Variants in B3GLCT observed in about 807,000 individuals in gnomAD.
B3GLCT encodes beta-1,3-glucosyltransferase.
Under a neutral mutation model 63.4 loss-of-function variants are expected in B3GLCT, and 65 were observed. The observed-to-expected ratio is 1.03, with a 90% CI of 0.84 to 1.26. The LOEUF is 1.26. Among genes scored for constraint, B3GLCT ranks in the 50% most tolerant of loss-of-function variants. B3GLCT has a pLI of 0.00. For missense variants in B3GLCT, 577 were observed against 604.8 expected (o/e 0.95, Z 0.48); for synonymous variants, 233 against 219.2 (o/e 1.06, Z -0.55).
intron 7 of B3GLCT, among the ~76,000 whole-genome samples, chr13:31,263,284 G>A (rs762563311): frequency 6.6e-5 from 10 of 152,190 alleles, no homozygotes; most frequent in East Asian, 1.9e-4. Flanking sequence ...ATTCAATTCC[G>A]TTTTTGTTGA....
At chr13:31,247,147 C>T (rs773136617) in intron 5 of B3GLCT, 48 bp downstream of exon 5, 2 of 1,380,564 alleles carry the variant, frequency 1.4e-6, no homozygotes, top group Non-Finnish European at 2.1e-6. Flanking sequence ...CCTACCTGAA[C>T]ACTTTTACGC....
intron 3 of B3GLCT, 109 bp from the exon 4 acceptor site, chr13:31,229,076 A>C: frequency 2.8e-6 from 2 of 715,858 alleles, no homozygotes; most frequent in Non-Finnish European, 4.9e-6. Flanking sequence ...TCCCATTAAG[A>C]GTTTACTGCC....
intron 12 of B3GLCT, among the ~76,000 whole-genome samples, chr13:31,316,410 TATATATA>T (rs1382841922): frequency 6.6e-4 from 62 of 93,972 alleles, no homozygotes; most frequent in Non-Finnish European, 1.1e-3. Flanking sequence ...GGAGGTTTTA[TATATATA>T]TATATATATA....
chr13:31,261,045 G>T lies in B3GLCT; in HGVS notation c.559G>T (p.Ala187Ser). ...NPTVFKYPDF[A>S]AGWALSIPLV... ...TACAGTTTTTAAGTATCCAGACTTT[G>T]CTGCAGGCTGGGCCTTAAGTATTCC... The change falls in exon 7 of 15, where the codon GCT becomes TCT. Residue 187 changes from alanine to serine, a missense_variant. Physicochemically the swap from Ala to Ser is moderately conservative, Grantham distance 99. Transcript: ENST00000343307. The T allele has an allele frequency of 1.6e-5, 26 of 1,613,854 alleles. No individual in the cohort carries two copies. Among genetic ancestry groups the T allele is most frequent in the Non-Finnish European group, 2.1e-5 (25 of 1,179,954 alleles).
At chr13:31,268,106 A>G (rs536236319) in intron 7 of B3GLCT, among the ~76,000 whole-genome samples, 122 of 152,278 alleles carry the variant, frequency 8.0e-4, no homozygotes, top group African/African-American at 2.9e-3. Flanking sequence ...TTTGCCTCCC[A>G]AAGTGCTGGG....
intron 12 of B3GLCT, chr13:31,312,390 A>G (rs1255866612): frequency 6.6e-6 from 1 of 152,248 alleles, no homozygotes; most frequent in African/African-American, 2.4e-5. Flanking sequence ...AAATCAAGCA[A>G]ATGTATTAGA....
intron 2 of B3GLCT, among the ~76,000 whole-genome samples, chr13:31,219,671 G>A (rs1289159094): frequency 3.3e-5 from 5 of 152,174 alleles, no homozygotes; most frequent in Non-Finnish European, 1.5e-5. Flanking sequence ...CTACCTCACA[G>A]GGCTGTTTTG....
At chr13:31,212,460 A>G (rs990442577) in intron 1 of B3GLCT, among the ~76,000 whole-genome samples, 3 of 151,856 alleles carry the variant, frequency 2.0e-5, no homozygotes, top group Non-Finnish European at 4.4e-5. Flanking sequence ...TTTTTAGTAG[A>G]GATGGGGTTT....
At chr13:31,253,697 G>A (rs1871568465) in intron 6 of B3GLCT, among the ~76,000 whole-genome samples, 1 of 150,696 alleles carries the variant, frequency 6.6e-6, no homozygotes, top group Non-Finnish European at 1.5e-5. Context: ...AGAACTGAAG[G>A]AGATAGAGAT....
chr13:31,221,895 G>T (rs542490027), intron 2 of B3GLCT, among the ~76,000 whole-genome samples: 15 of 152,264 alleles, frequency 9.9e-5, no homozygotes, highest in African/African-American at 3.6e-4. Context: ...TTCTTAGTCT[G>T]CAGAGAAGAC....
chr13:31,246,767 T>A (rs2137804285), intron 4 of B3GLCT, among the ~76,000 whole-genome samples: 1 of 152,206 alleles, frequency 6.6e-6, no homozygotes, highest in East Asian at 1.9e-4. Context: ...GAGCTCTATT[T>A]GGGTGTGTGG....
intron 12 of B3GLCT, among the ~76,000 whole-genome samples, chr13:31,289,729 C>T (rs1873548831): frequency 6.6e-6 from 1 of 152,028 alleles, no homozygotes; most frequent in South Asian, 2.1e-4. Flanking sequence ...AATTTGTCAC[C>T]ACTAGGTAGG....
chr13:31,204,842 G>A (rs1868864639), intron 1 of B3GLCT, among the ~76,000 whole-genome samples: 1 of 152,078 alleles, frequency 6.6e-6, no homozygotes, highest in African/African-American at 2.4e-5. Context: ...GAGAAAGGGT[G>A]GGGGAAAGGA....
At chr13:31,257,411 T>C (rs1011365139) in intron 6 of B3GLCT, among the ~76,000 whole-genome samples, 12 of 152,070 alleles carry the variant, frequency 7.9e-5, no homozygotes, top group African/African-American at 2.9e-4. Context: ...GCTGAGGTCA[T>C]TTGTCTTGGT....
chr13:31,272,550 T>C (rs1593288787), intron 8 of B3GLCT, among the ~76,000 whole-genome samples: 1 of 152,244 alleles, frequency 6.6e-6, no homozygotes, highest in African/African-American at 2.4e-5. Context: ...CCTTGTCTTC[T>C]TATTCATTTA....
chr13:31,271,632 C>A (rs1040134959), intron 8 of B3GLCT, among the ~76,000 whole-genome samples: 1 of 152,092 alleles, frequency 6.6e-6, no homozygotes, highest in African/African-American at 2.4e-5. Flanking sequence ...TACTTTTAGG[C>A]TTACTTTATG....
intron 6 of B3GLCT, 25 bp from the exon 7 acceptor site, chr13:31,260,921 G>A (rs771056423): frequency 1.1e-5 from 18 of 1,603,694 alleles, no homozygotes; most frequent in Non-Finnish European, 3.4e-6. Flanking sequence ...TTTTTAAAGT[G>A]ACATGTTATA....
chr13:31,256,387 A>G (rs1445314617), intron 6 of B3GLCT, among the ~76,000 whole-genome samples: 4 of 152,222 alleles, frequency 2.6e-5, no homozygotes, highest in Non-Finnish European at 5.9e-5. Context: ...TCAAGGATCT[A>G]GAAATACGAT....
intron 7 of B3GLCT, among the ~76,000 whole-genome samples, chr13:31,268,247 C>T (rs1056235083): frequency 6.6e-6 from 1 of 152,086 alleles, no homozygotes; most frequent in African/African-American, 2.4e-5. Flanking sequence ...AAATAAAAAA[C>T]CATATGGTAT....
Sources: gnomAD v4.1 joint callset for allele counts (sites outside exome capture counted in the v4.1 genomes callset) on GRCh38, gnomAD v4.1.1 for gene constraint, MANE v1.5 for transcripts, NCBI Gene and HGNC (gene_info 2026-07-23, HGNC 2026-07-21) for gene names.